The following CACNA1H variants were observed in gnomAD, a reference collection of about 807,000 sequenced individuals.
CACNA1H encodes voltage-dependent T-type calcium channel subunit alpha-1H.
A neutral mutation model predicts 192.5 loss-of-function variants in CACNA1H; 149 were observed. The observed-to-expected ratio is 0.77, with a 90% CI of 0.68 to 0.89. The LOEUF is 0.89. CACNA1H is among the 40% of genes least tolerant of loss of function. The pLI is 0.00. For synonymous variants in CACNA1H, 2,202 were observed against 1,475.2 expected (o/e 1.49, Z -11.29); for missense variants, 4,257 against 3,423.5 (o/e 1.24, Z -6.08).
intron 2 of CACNA1H, among the ~76,000 whole-genome samples, chr16:1,158,682 C>T (rs912111068): frequency 6.6e-5 from 10 of 152,284 alleles, no homozygotes; most frequent in South Asian, 2.1e-4. Flanking sequence ...TGGCAGGGAC[C>T]GTGCGCCTCC....
At chr16:1,168,665 T>C (rs1012744095) in intron 2 of CACNA1H, among the ~76,000 whole-genome samples, 2 of 152,006 alleles carry the variant, frequency 1.3e-5, no homozygotes, top group African/African-American at 4.8e-5. Context: ...GAGTTGGCCC[T>C]GTGTCAGGAG....
In CACNA1H at chr16:1,198,867, T is replaced by G. The variant is rs573364254; in HGVS notation, c.803+93T>G. The G allele has an allele frequency of 9.1e-5, 117 of 1,282,440 alleles. No homozygotes were observed. In the African/African-American group the frequency reaches 1.6e-3, roughly 18 times the overall value. 79.4% of individuals were successfully genotyped at this position (1,282,440 alleles called of 1,614,324 possible). A position where few individuals can be genotyped will look rare whatever the true frequency, so the allele number is the denominator to read the frequency against. On this transcript the variant is annotated intron_variant, in intron 6 of 34. Transcript: ENST00000348261. The stretch of plus-strand genomic sequence containing the variant: ...ATGTGGCTCCACCGCCCCACGTGGC[T>G]CTGCCCACCGTGCAGTCACCCGCCC...
At chr16:1,191,895 G>C (rs937866101) in intron 2 of CACNA1H, among the ~76,000 whole-genome samples, 2 of 151,966 alleles carry the variant, frequency 1.3e-5, no homozygotes, top group African/African-American at 2.4e-5. Flanking sequence ...TGGCCTGGCT[G>C]TGTGACCTCA....
intron 2 of CACNA1H, among the ~76,000 whole-genome samples, chr16:1,174,939 C>A (rs1964723172): frequency 7.1e-6 from 1 of 140,390 alleles, no homozygotes; most frequent in African/African-American, 2.6e-5. Flanking sequence ...CCCCCACGTC[C>A]ACCCCCCCAC....
intron 2 of CACNA1H, among the ~76,000 whole-genome samples, chr16:1,176,531 C>T (rs1964909850): frequency 6.6e-6 from 1 of 152,242 alleles, no homozygotes; most frequent in Non-Finnish European, 1.5e-5. Context: ...GTACTTCCCC[C>T]CATGCTCAGA....
intron 7 of CACNA1H, 49 bp downstream of exon 7, chr16:1,200,620 C>G: frequency 6.3e-7 from 1 of 1,598,824 alleles, no homozygotes; most frequent in Non-Finnish European, 8.5e-7. Flanking sequence ...GGCAGGGGAG[C>G]GGGTGCAGGA....
chr16:1,175,318 G>A (rs915646573), intron 2 of CACNA1H, among the ~76,000 whole-genome samples: 2 of 152,198 alleles, frequency 1.3e-5, no homozygotes, highest in African/African-American at 4.8e-5. Flanking sequence ...GTTCTGGGGA[G>A]CCCCGGGAGG....
chr16:1,210,052 G>C lies in CACNA1H; in HGVS notation c.3762G>C (p.Leu1254=). ...DDSEDSCCLR[L]HKVLEPYKPQ... ...TCCCACAGAGCTGCTGCCTCCGCCT[G>C]CATAAAGTGCTGGAGCCCTACAAGC... is the stretch of plus-strand genomic sequence containing the variant. The change falls in exon 18 of 35, where the codon CTG becomes CTC. Residue 1254 remains leucine, a synonymous_variant. Coordinates refer to ENST00000348261, the MANE Select transcript of CACNA1H (RefSeq NM_021098.3). The C allele has an allele frequency of 6.4e-7, 1 of 1,552,254 alleles. No individual in the cohort carries two copies. The highest frequency in any genetic ancestry group is 8.7e-7 in the Non-Finnish European group (1 of 1,148,408).
intron 5 of CACNA1H, among the ~76,000 whole-genome samples, chr16:1,196,542 C>T (rs1395436596): frequency 6.6e-6 from 1 of 152,258 alleles, no homozygotes; most frequent in East Asian, 1.9e-4. Context: ...CCCTACTCTC[C>T]TGCCAGGATC....
rs1462999053 is a variant in CACNA1H at position 1,220,676 on chromosome 16, G to A, written c.6744G>A (p.Gly2248=). 6.2e-7 allele frequency: 1 copy of A among 1,609,146 alleles called. No individual in the cohort carries two copies. The highest frequency in any genetic ancestry group is 8.5e-7 in the Non-Finnish European group (1 of 1,178,362). The change falls in exon 35 of 35, where the codon GGG becomes GGA. Residue 2248 remains glycine, a synonymous_variant. Transcript: ENST00000348261. ...CCGGGGGGGACCCTGCAGCCAAGGG[G>A]GAGCGCTGGGGCCAGGCCTCCTGCC... is the stretch of plus-strand genomic sequence containing the variant. ...SGAGGDPAAK[G]ERWGQASCRA...
intron 2 of CACNA1H, among the ~76,000 whole-genome samples, chr16:1,186,633 C>T (rs936704945): frequency 2.0e-5 from 3 of 152,140 alleles, no homozygotes; most frequent in African/African-American, 7.2e-5. Context: ...AATGTGGTCA[C>T]GTGTCCTCCG....
chr16:1,168,733 C>G (rs929362052), intron 2 of CACNA1H, among the ~76,000 whole-genome samples: 1 of 152,124 alleles, frequency 6.6e-6, no homozygotes, highest in East Asian at 1.9e-4. Context: ...GGCACCATGC[C>G]CCACTCTGGG....
intron 2 of CACNA1H, among the ~76,000 whole-genome samples, chr16:1,189,355 G>A (rs552452700): frequency 1.3e-5 from 2 of 149,692 alleles, no homozygotes; most frequent in East Asian, 2.0e-4. Flanking sequence ...AAGGGGAGGT[G>A]GCCAGGCTGT....
intron 23 of CACNA1H, 32 bp downstream of exon 23, chr16:1,211,638 T>C: frequency 6.2e-7 from 1 of 1,608,334 alleles, no homozygotes; most frequent in Non-Finnish European, 8.5e-7. Context: ...GAGCTGGGGG[T>C]CTCCAGGACA....
chr16:1,198,509 C>A (rs1967269966), intron 5 of CACNA1H, 106 bp from the exon 6 acceptor site: 1 of 1,230,574 alleles, frequency 8.1e-7, no homozygotes, highest in African/African-American at 1.5e-5. Flanking sequence ...GGCGTGGACA[C>A]CCACTGTGAA....
intron 8 of CACNA1H, among the ~76,000 whole-genome samples, chr16:1,201,379 C>T (rs757598224): frequency 3.3e-5 from 5 of 152,244 alleles, no homozygotes; most frequent in South Asian, 2.1e-4. Flanking sequence ...AGGGTCATCT[C>T]AAGGCCAGAT....
intron 30 of CACNA1H, 66 bp from the exon 31 acceptor site, chr16:1,216,866 C>G: frequency 7.5e-7 from 1 of 1,324,948 alleles, no homozygotes; most frequent in Non-Finnish European, 1.1e-6. Context: ...CGCCGAGTGC[C>G]CTGCAGGGTG....
chr16:1,180,501 G>A lies in CACNA1H; in HGVS notation c.300-14471G>A, dbSNP rs148941614. On this transcript the variant is annotated intron_variant, in intron 2 of 34. Coordinates refer to ENST00000348261, the MANE Select transcript of CACNA1H (RefSeq NM_021098.3). This position sits in a 1 kb window ranked among gnomAD's most constrained non-coding sequence, Gnocchi z 4.4. Reference sequence around the variant, plus strand: ...GGGCCTGTGTCCTGGTGTCCCTGGCGTCCCCATACCCCCTCCGAGGCACAG... The same window carrying A: ...GGGCCTGTGTCCTGGTGTCCCTGGCATCCCCATACCCCCTCCGAGGCACAG... 5.3e-3 allele frequency among the ~76,000 whole-genome samples: 812 copies of A among 152,212 alleles called. 6 individuals carry two copies. The highest frequency in any genetic ancestry group is 0.011 in the South Asian group (55 of 4,816).
intron 2 of CACNA1H, among the ~76,000 whole-genome samples, chr16:1,193,732 C>T (rs1966812709): frequency 6.6e-6 from 1 of 152,186 alleles, no homozygotes; most frequent in Admixed American, 6.5e-5. Flanking sequence ...GGCCTGGAGC[C>T]GTGGCACTGG....
Sources: gnomAD v4.1 joint callset for allele counts (sites outside exome capture counted in the v4.1 genomes callset) on GRCh38, gnomAD v4.1.1 for gene constraint, Gnocchi (gnomAD v3.1) non-coding constraint, MANE v1.5 for transcripts, NCBI Gene and HGNC (gene_info 2026-07-23, HGNC 2026-07-21) for gene names.